The following SEMA5B variants were observed in gnomAD, a reference collection of about 807,000 sequenced individuals.
The protein encoded by SEMA5B is semaphorin 5B.
A neutral mutation model predicts 135.0 loss-of-function variants in SEMA5B; 66 were observed. The ratio of observed to expected loss-of-function variants is 0.49; its 90% CI spans 0.40 to 0.60. SEMA5B has a LOEUF of 0.60. Ranked by LOEUF, SEMA5B falls within the 20% of genes least tolerant of loss-of-function variation. The probability of loss-of-function intolerance (pLI) is 0.00; values close to 1 mark genes in which losing one functional copy is unlikely to be tolerated. For synonymous variants in SEMA5B, 690 were observed against 639.5 expected, an observed-to-expected ratio of 1.08 and a Z score of -1.19; for missense variants, 1,501 against 1,566.3, an observed-to-expected ratio of 0.96 and a Z score of 0.70.
rs1285425748 is a variant in SEMA5B at position 122,927,856 on chromosome 3, T to C, written c.784A>G (p.Ile262Val). ...VIDFSGRDPA[I>V]YRSLGSGPPL... ...GGCCCACTGCCCAGGCTGCGGTAGA[T>C]GGCAGGGTCCCGACCTGAGAAGTCG... The change falls in exon 8 of 23, where the codon ATC becomes GTC. Residue 262 changes from isoleucine to valine, a missense_variant. Physicochemically the swap from Ile to Val is conservative, Grantham distance 29 (BLOSUM62 3). This residue lies in a region of SEMA5B where 574 missense variants were observed against 684.7 expected (regional missense o/e 0.84). Transcript: ENST00000357599. The C allele has an allele frequency of 8.2e-6, 13 of 1,587,932 alleles. No homozygotes were observed. Among genetic ancestry groups the C allele is most frequent in the African/African-American group, 1.4e-5 (1 of 73,778 alleles).
rs762714230 is a variant in SEMA5B, at chr3:122,915,877, C to T, written c.1702G>A (p.Ala568Thr). 1.2e-6 allele frequency: 2 copies of T among 1,613,718 alleles called. No individual in the cohort carries two copies. The highest frequency in any genetic ancestry group is 1.7e-6 in the Non-Finnish European group (2 of 1,179,782). Reference sequence around the variant, plus strand: ...TCCCAGCCACAGTACGGGTCCCGGGCCCCCAGGCATGCCCTGCCAGACAGA... The same window carrying T: ...TCCCAGCCACAGTACGGGTCCCGGGTCCCCAGGCATGCCCTGCCAGACAGA... ...AYRSQGACLG[A>T]RDPYCGWDGK... The change falls in exon 13 of 23, where the codon GCC (alanine) becomes ACC (threonine). Residue 568 changes from alanine to threonine, a missense_variant. Ala to Thr is a moderately conservative substitution (Grantham distance 58). This residue lies in a region of SEMA5B where 927 missense variants were observed against 881.6 expected (regional missense o/e 1.05). Coordinates refer to ENST00000357599, the MANE Select transcript of SEMA5B (RefSeq NM_001031702.4).
At chr3:122,928,907 C>A in intron 6 of SEMA5B, 89 bp downstream of exon 6, 1 of 1,336,732 alleles carries the variant, frequency 7.5e-7, no homozygotes, top group Non-Finnish European at 1.1e-6. Flanking sequence ...TAGCAGGGGA[C>A]CTCAGTCCAC....
In SEMA5B at chr3:122,948,289, C is replaced by T. The variant is rs139120256; in HGVS notation, c.328+217G>A. ...ATGCATGAAGGGCCTGAATAAATTA[C>T]GGAGAGACAAAAATTAGACCCCTCC... On this transcript the variant is annotated intron_variant, in intron 3 of 22. Coordinates refer to ENST00000357599, the MANE Select transcript of SEMA5B (RefSeq NM_001031702.4). Among the ~76,000 whole-genome samples, 98 of 152,298 alleles carry T rather than the reference C, an allele frequency of 6.4e-4. No individual in the cohort carries two copies. In the East Asian group the frequency reaches 0.017, roughly 26 times the overall value.
At chr3:123,003,849 TAAATAAA>T (rs932181763) in intron 1 of SEMA5B, among the ~76,000 whole-genome samples, 9 of 151,678 alleles carry the variant, frequency 5.9e-5, no homozygotes, top group African/African-American at 2.2e-4. Context: ...AATAAATAAA[TAAATAAA>T]TAATAATAAT....
intron 5 of SEMA5B, among the ~76,000 whole-genome samples, chr3:122,936,993 G>C (rs562981559): frequency 6.6e-6 from 1 of 152,214 alleles, no homozygotes; most frequent in East Asian, 1.9e-4. Flanking sequence ...TTTTCTTTAC[G>C]TAATGTTAAT....
intron 2 of SEMA5B, among the ~76,000 whole-genome samples, chr3:122,958,728 G>A (rs1940445539): frequency 6.6e-6 from 1 of 152,166 alleles, no homozygotes; most frequent in Non-Finnish European, 1.5e-5. Context: ...AGGGAGGAAA[G>A]CCTTCCTAGC....
intron 5 of SEMA5B, among the ~76,000 whole-genome samples, chr3:122,930,894 A>C (rs964593791): frequency 6.6e-6 from 1 of 152,182 alleles, no homozygotes. Context: ...GACAATTGAC[A>C]CCAGAACTAA....
chr3:123,004,572 T>C (rs1320572616), intron 1 of SEMA5B, among the ~76,000 whole-genome samples: 1 of 152,226 alleles, frequency 6.6e-6, no homozygotes, highest in African/African-American at 2.4e-5. Flanking sequence ...AAAACTGTTG[T>C]TGCTTAAAGA....
intron 10 of SEMA5B, 49 bp downstream of exon 10, chr3:122,923,568 G>C (rs2276779): frequency 0.62 from 1,000,336 of 1,605,108 alleles, 324,154 homozygotes; most frequent in Non-Finnish European, 0.67. Context: ...CTGGTAATCT[G>C]GGGGTAAGGC....
chr3:122,912,784 G>A, intron 18 of SEMA5B, 59 bp downstream of exon 18: 1 of 1,450,426 alleles, frequency 6.9e-7, no homozygotes, highest in South Asian at 1.4e-5. Flanking sequence ...GGGCGGGGAA[G>A]GGGGCCTCCA....
In SEMA5B at chr3:122,911,326, G is replaced by A. The variant is rs767935962; in HGVS notation, c.3091+165C>T. 9.1e-5 allele frequency: 138 copies of A among 1,524,120 alleles called. No individual in the cohort carries two copies. The African/African-American group carries it at 1.7e-3, about 19-fold the overall frequency. The allele number at this position is 1,524,120 out of a possible 1,614,324, so 94.4% of individuals were successfully genotyped here. A position where few individuals can be genotyped will look rare whatever the true frequency, so the allele number is the denominator to read the frequency against. Reference sequence around the variant, plus strand: ...GATGATGGCCTCCTAGCTGGGGGGGGCATGGAGGGAACTGCCCAGACCACC... The same window carrying A: ...GATGATGGCCTCCTAGCTGGGGGGGACATGGAGGGAACTGCCCAGACCACC... On this transcript the variant is annotated intron_variant, in intron 21 of 22. Coordinates refer to ENST00000357599, the MANE Select transcript of SEMA5B (RefSeq NM_001031702.4).
At chr3:122,958,679 G>A (rs1016802899) in intron 2 of SEMA5B, among the ~76,000 whole-genome samples, 1 of 152,172 alleles carries the variant, frequency 6.6e-6, no homozygotes, top group Admixed American at 6.5e-5. Context: ...TGGGGGACTG[G>A]GGCCCAGAGG....
intron 1 of SEMA5B, among the ~76,000 whole-genome samples, chr3:122,963,965 T>A (rs1177501762): frequency 2.0e-5 from 3 of 151,980 alleles, no homozygotes; most frequent in South Asian, 2.1e-4. Flanking sequence ...CCTCCCTCCC[T>A]CTCTCCCCAG....
At chr3:122,911,394 G>A (rs1044244668) in intron 21 of SEMA5B, 97 bp downstream of exon 21, 3 of 1,557,862 alleles carry the variant, frequency 1.9e-6, no homozygotes, top group East Asian at 4.7e-5. Context: ...ACAAAGCTTG[G>A]CTGTCTGGAG....
At chr3:123,016,787 G>T (rs1235523156) in intron 1 of SEMA5B, among the ~76,000 whole-genome samples, 2 of 151,464 alleles carry the variant, frequency 1.3e-5, no homozygotes, top group Non-Finnish European at 2.9e-5. Context: ...CCTTGCTGTT[G>T]TTCTGGCTAG....
At chr3:123,002,785 G>A (rs964758390) in intron 1 of SEMA5B, among the ~76,000 whole-genome samples, 1 of 152,218 alleles carries the variant, frequency 6.6e-6, no homozygotes, top group African/African-American at 2.4e-5. Flanking sequence ...CAAAGAAAAT[G>A]CTTTGGATGC....
chr3:122,951,788 G>A (rs908223607), intron 2 of SEMA5B, among the ~76,000 whole-genome samples: 1 of 152,216 alleles, frequency 6.6e-6, no homozygotes, highest in African/African-American at 2.4e-5. Context: ...AGAAGCTGGA[G>A]GACTAGAGGG....
chr3:122,985,079 C>A (rs997648000), intron 1 of SEMA5B, among the ~76,000 whole-genome samples: 8 of 152,318 alleles, frequency 5.3e-5, no homozygotes, highest in Non-Finnish European at 1.2e-4. Flanking sequence ...TTTTCGTCTG[C>A]ATATAATGAT....
chr3:122,979,585 G>A (rs1157293148), intron 1 of SEMA5B, among the ~76,000 whole-genome samples: 1 of 152,218 alleles, frequency 6.6e-6, no homozygotes, highest in Non-Finnish European at 1.5e-5. Flanking sequence ...CCCTATGGCA[G>A]CCTTAAGGGA....
Sources: gnomAD v4.1 joint callset for allele counts (sites outside exome capture counted in the v4.1 genomes callset) on GRCh38, gnomAD v4.1.1 for gene constraint, gnomAD v4.1.1 regional missense constraint, MANE v1.5 for transcripts, NCBI Gene and HGNC (gene_info 2026-07-23, HGNC 2026-07-21) for gene names.